PRR5L: variants seen among roughly 807,000 people sequenced by gnomAD.
The protein encoded by PRR5L is proline-rich protein 5-like.
In PRR5L, 21 loss-of-function variants were observed where a neutral mutation model predicts 36.4. The ratio of observed to expected loss-of-function variants is 0.58; its 90% CI spans 0.41 to 0.83. The LOEUF (loss-of-function observed/expected upper bound fraction) is 0.83, where lower values mean the gene tolerates loss of function less well. Ranked by LOEUF, PRR5L falls within the 40% of genes least tolerant of loss-of-function variation. The pLI is 0.00. For missense variants in PRR5L, 381 were observed against 473.3 expected, an observed-to-expected ratio of 0.80 and a Z score of 1.81; for synonymous variants, 188 against 197.0, an observed-to-expected ratio of 0.95 and a Z score of 0.38.
At chr11:36,334,075 G>A (rs940454746) in intron 1 of PRR5L, among the ~76,000 whole-genome samples, 6 of 152,104 alleles carry the variant, frequency 3.9e-5, no homozygotes, top group African/African-American at 1.2e-4. Context: ...CAAAGAAAAC[G>A]AAGAGCACAT....
chr11:36,387,200 T>C (rs1857473758), intron 1 of PRR5L, among the ~76,000 whole-genome samples: 1 of 151,650 alleles, frequency 6.6e-6, no homozygotes, highest in African/African-American at 2.4e-5. Context: ...TTCTCATTCA[T>C]AGGTGGGAAT....
intron 3 of PRR5L, among the ~76,000 whole-genome samples, chr11:36,413,596 G>A (rs1241580119): frequency 1.3e-5 from 2 of 151,918 alleles, no homozygotes; most frequent in Non-Finnish European, 2.9e-5. Flanking sequence ...TATTAGTAAC[G>A]GTAGCTTATT....
At chr11:36,325,401 C>T (rs867911362) in intron 1 of PRR5L, among the ~76,000 whole-genome samples, 5 of 152,130 alleles carry the variant, frequency 3.3e-5, no homozygotes, top group Non-Finnish European at 7.4e-5. Context: ...AAGCTCAGCT[C>T]GAGCAGTAAC....
At chr11:36,375,169 G>T (rs1014335275) in intron 1 of PRR5L, among the ~76,000 whole-genome samples, 3 of 151,928 alleles carry the variant, frequency 2.0e-5, no homozygotes, top group Non-Finnish European at 2.9e-5. Flanking sequence ...CGGGGAGGTG[G>T]AGGTTGCAGG....
intron 1 of PRR5L, among the ~76,000 whole-genome samples, chr11:36,375,316 A>C (rs1047258746): frequency 6.6e-6 from 1 of 152,006 alleles, no homozygotes; most frequent in African/African-American, 2.4e-5. Flanking sequence ...CTGGGATGAA[A>C]TTTAAAGCCC....
chr11:36,377,991 C>G lies in PRR5L; in HGVS notation c.-125-23006C>G, dbSNP rs1465767256. ...ACCGGCCCAATGTACTGCCTTCATC[C>G]CCCACCATCCTCAAGGGACCCTTGC... On this transcript the variant is annotated intron_variant, in intron 1 of 8. Transcript: ENST00000530639. The surrounding 1 kb of genome is among the most constrained non-coding windows in gnomAD (Gnocchi z 5.1). 6.6e-6 allele frequency among the ~76,000 whole-genome samples: 1 copy of G among 152,162 alleles called. No individual in the cohort carries two copies. The highest frequency in any genetic ancestry group is 6.5e-5 in the Admixed American group (1 of 15,282).
At chr11:36,315,087 G>A (rs564840156) in intron 1 of PRR5L, among the ~76,000 whole-genome samples, 18 of 152,236 alleles carry the variant, frequency 1.2e-4, no homozygotes, top group Admixed American at 1.0e-3. Context: ...TGTGTATAAG[G>A]ACTATAGGGC....
intron 1 of PRR5L, among the ~76,000 whole-genome samples, chr11:36,371,461 A>G (rs1857196407): frequency 6.6e-6 from 1 of 152,170 alleles, no homozygotes; most frequent in Admixed American, 6.5e-5. Context: ...TCATTTTATT[A>G]CCTGAGCTCT....
chr11:36,383,153 G>A (rs1857399525), intron 1 of PRR5L, among the ~76,000 whole-genome samples: 1 of 152,210 alleles, frequency 6.6e-6, no homozygotes, highest in African/African-American at 2.4e-5. Context: ...TGGGGGCCAA[G>A]TGGGATAACA....
chr11:36,348,931 G>C (rs1376275810), intron 1 of PRR5L, among the ~76,000 whole-genome samples: 1 of 152,068 alleles, frequency 6.6e-6, no homozygotes, highest in East Asian at 1.9e-4. Flanking sequence ...GGGGTATCAG[G>C]CACACAGTAT....
intron 1 of PRR5L, among the ~76,000 whole-genome samples, chr11:36,337,003 T>C (rs1280660835): frequency 3.3e-5 from 5 of 152,210 alleles, no homozygotes; most frequent in Non-Finnish European, 5.9e-5. Flanking sequence ...TCTTTACAGT[T>C]ATCCTGGCAT....
chr11:36,409,725 T>C (rs1324412066), intron 3 of PRR5L, among the ~76,000 whole-genome samples: 2 of 152,190 alleles, frequency 1.3e-5, no homozygotes, highest in South Asian at 2.1e-4. Context: ...AGCCTTTTAG[T>C]ATATGCCAGG....
intron 1 of PRR5L, among the ~76,000 whole-genome samples, chr11:36,395,566 G>A (rs1857641720): frequency 6.6e-6 from 1 of 152,110 alleles, no homozygotes; most frequent in South Asian, 2.1e-4. Flanking sequence ...GCTAGAAAGA[G>A]GCCTTTCACT....
Position 36,462,673 on chromosome 11 carries a change from A to C in PRR5L, c.1044A>C (p.Gly348=). Residue 348 remains glycine (G), a synonymous_variant, in exon 9 of 9, where the codon GGA becomes GGC. Transcript: ENST00000530639. ...SEPNITDNPD[G]LEEGARGSQE... Reference sequence around the variant, plus strand: ...CCAACATCACTGACAACCCTGACGGACTGGAGGAGGGGGCCAGGGGCAGCC... The same window carrying C: ...CCAACATCACTGACAACCCTGACGGCCTGGAGGAGGGGGCCAGGGGCAGCC... 1 of 1,608,354 alleles carries C rather than the reference A, an allele frequency of 6.2e-7. No homozygotes were observed.
rs142762082 is a variant in PRR5L, at chr11:36,369,369, C to A, written c.-125-31628C>A. 2.7e-3 allele frequency among the ~76,000 whole-genome samples: 413 copies of A among 152,200 alleles called. 1 individual carries two copies. The highest frequency in any genetic ancestry group is 9.9e-3 in the African/African-American group (413 of 41,528). Reference sequence around the variant, plus strand: ...GTTCCTTAGTTTGTATCCCAAAGGACACTTTGATTGGCACATCTCATCTAC... The same window carrying A: ...GTTCCTTAGTTTGTATCCCAAAGGAAACTTTGATTGGCACATCTCATCTAC... On this transcript the variant is annotated intron_variant, in intron 1 of 8. Coordinates refer to ENST00000530639, the MANE Select transcript of PRR5L (RefSeq NM_001160167.2).
intron 1 of PRR5L, among the ~76,000 whole-genome samples, chr11:36,383,007 C>T (rs1041084500): frequency 1.3e-4 from 19 of 149,548 alleles, no homozygotes; most frequent in Non-Finnish European, 2.7e-4. Flanking sequence ...TGAAAAAGTA[C>T]AAGATCTACA....
intron 1 of PRR5L, among the ~76,000 whole-genome samples, chr11:36,335,405 A>T (rs5791101): frequency 1.1e-5 from 1 of 87,908 alleles, no homozygotes; most frequent in East Asian, 6.2e-4. Context: ...CTTGGGTGGC[A>T]GTGTGTGTGT....
intron 1 of PRR5L, among the ~76,000 whole-genome samples, chr11:36,332,548 C>T (rs1856729691): frequency 1.3e-5 from 2 of 152,152 alleles, no homozygotes; most frequent in African/African-American, 4.8e-5. Flanking sequence ...CTCACCAATC[C>T]ATCTGCTATG....
intron 1 of PRR5L, among the ~76,000 whole-genome samples, chr11:36,357,914 G>A (rs1243959645): frequency 6.6e-6 from 1 of 152,220 alleles, no homozygotes; most frequent in African/African-American, 2.4e-5. Flanking sequence ...AGCTGTCATA[G>A]ATAGTGTCTC....
Sources: allele counts gnomAD v4.1 joint callset (sites outside exome capture counted in the v4.1 genomes callset), GRCh38; gene constraint gnomAD v4.1.1; non-coding constraint Gnocchi (gnomAD v3.1); transcripts MANE v1.5; gene names NCBI Gene and HGNC (gene_info 2026-07-23, HGNC 2026-07-21).